Variants in TMEM178B observed in about 807,000 individuals in gnomAD.
The protein encoded by TMEM178B is transmembrane protein 178B.
In TMEM178B, 5 loss-of-function variants were observed where a neutral mutation model predicts 31.0. The observed-to-expected ratio is 0.16, with a 90% confidence interval of 0.08 to 0.34. The LOEUF is 0.34. Ranked by LOEUF, TMEM178B falls within the 10% of genes least tolerant of loss-of-function variation. The pLI is 1.00. For missense variants in TMEM178B, 275 were observed against 400.3 expected, an observed-to-expected ratio of 0.69 and a Z score of 2.67; for synonymous variants, 164 against 164.0, an observed-to-expected ratio of 1.00 and a Z score of 0.00.
intron 2 of TMEM178B, among the ~76,000 whole-genome samples, chr7:141,369,316 C>CGTGTGTGTGT (rs55960871): frequency 4.3e-5 from 6 of 138,446 alleles, no homozygotes; most frequent in South Asian, 2.5e-4. Flanking sequence ...TCCGCGCCGA[C>CGTGTGTGTGT]GTGTGTGTGT....
At chr7:141,499,464 CAAAA>C in the TMEM178B span, among the ~76,000 whole-genome samples, 1 of 50,714 alleles carries the variant, frequency 2.0e-5, no homozygotes, top group African/African-American at 5.5e-5. Context: ...CACATCTCTA[CAAAA>C]AAAAAAAAAA....
intron 2 of TMEM178B, among the ~76,000 whole-genome samples, chr7:141,345,678 C>T (rs1454814221): frequency 1.9e-4 from 29 of 152,154 alleles, no homozygotes; most frequent in African/African-American, 7.2e-5. Flanking sequence ...CATGTGAAAA[C>T]GAACACTTAT....
At chr7:141,432,655 C>G (rs576792618) in intron 2 of TMEM178B, among the ~76,000 whole-genome samples, 17 of 152,188 alleles carry the variant, frequency 1.1e-4, no homozygotes, top group Middle Eastern at 3.4e-3. Flanking sequence ...GTTTTTGTTT[C>G]ACAGAGGCAA....
chr7:141,368,586 T>C (rs1484504960), intron 2 of TMEM178B, among the ~76,000 whole-genome samples: 1 of 152,242 alleles, frequency 6.6e-6, no homozygotes, highest in Non-Finnish European at 1.5e-5. Context: ...AATACAATTC[T>C]ACTACAGGGG....
the TMEM178B span, among the ~76,000 whole-genome samples, chr7:141,499,464 C>CAAAAAAAAAAA: frequency 1.4e-4 from 7 of 50,702 alleles, 1 homozygote; most frequent in African/African-American, 3.3e-4. Context: ...CACATCTCTA[C>CAAAAAAAAAAA]AAAAAAAAAA....
intron 1 of TMEM178B, among the ~76,000 whole-genome samples, chr7:141,142,921 GGT>G (rs1795797897): frequency 6.6e-6 from 1 of 152,202 alleles, no homozygotes. Context: ...CATTCTGAGT[GGT>G]GTGAGATAGC....
In TMEM178B at chr7:141,318,546, G is replaced by A. The variant is rs1451960111; in HGVS notation, c.496+105842G>A. Among the ~76,000 whole-genome samples, 1 of 152,168 alleles carries A rather than the reference G, an allele frequency of 6.6e-6. No individual in the cohort carries two copies. The highest frequency in any genetic ancestry group is 1.5e-5 in the Non-Finnish European group (1 of 68,028). On this transcript the variant is annotated intron_variant, in intron 2 of 3. Transcript: ENST00000565468. This position sits in a 1 kb window ranked among gnomAD's most constrained non-coding sequence, Gnocchi z 4.1. ...GTAAATACCATTTGTCACTCAATGA[G>A]AAATAAAGATGTATTGGAGACTAAA...
intron 1 of TMEM178B, among the ~76,000 whole-genome samples, chr7:141,089,909 A>C (rs1342176549): frequency 6.6e-6 from 1 of 152,086 alleles, no homozygotes; most frequent in African/African-American, 2.4e-5. Context: ...ACCTAATGTA[A>C]ATGACGAGTT....
At chr7:141,153,814 A>G (rs1011757286) in intron 1 of TMEM178B, among the ~76,000 whole-genome samples, 10 of 152,226 alleles carry the variant, frequency 6.6e-5, no homozygotes, top group Non-Finnish European at 1.2e-4. Flanking sequence ...ATTTTGTCCT[A>G]TGTTACAGAT....
At chr7:141,231,871 C>T (rs926741297) in intron 2 of TMEM178B, among the ~76,000 whole-genome samples, 9 of 152,098 alleles carry the variant, frequency 5.9e-5, no homozygotes, top group Admixed American at 1.3e-4. Flanking sequence ...AAACATGTGC[C>T]GTGGTGGTTT....
chr7:141,223,200 A>T (rs1205732553), intron 2 of TMEM178B, among the ~76,000 whole-genome samples: 1 of 152,156 alleles, frequency 6.6e-6, no homozygotes, highest in Non-Finnish European at 1.5e-5. Context: ...ACATAGAGAG[A>T]AAGGAGGGCC....
intron 3 of TMEM178B, among the ~76,000 whole-genome samples, chr7:141,457,250 G>A (rs1430432002): frequency 6.6e-6 from 1 of 152,158 alleles, no homozygotes; most frequent in Non-Finnish European, 1.5e-5. Context: ...AAAATCAAAT[G>A]TTTGCACTGT....
intron 1 of TMEM178B, among the ~76,000 whole-genome samples, chr7:141,207,188 A>T (rs147251096): frequency 6.6e-6 from 1 of 152,194 alleles, no homozygotes; most frequent in Non-Finnish European, 1.5e-5. Flanking sequence ...GCTTTCCCTT[A>T]TCCTTCATCT....
intron 1 of TMEM178B, among the ~76,000 whole-genome samples, chr7:141,150,224 C>T (rs542405964): frequency 6.6e-6 from 1 of 152,196 alleles, no homozygotes; most frequent in East Asian, 1.9e-4. Context: ...TGAAGTCACC[C>T]AGGGAGAGGA....
intron 1 of TMEM178B, among the ~76,000 whole-genome samples, chr7:141,080,464 A>G (rs1280632110): frequency 6.6e-6 from 1 of 152,164 alleles, no homozygotes; most frequent in Admixed American, 6.5e-5. Flanking sequence ...TACAGAAAAT[A>G]CAAAAATTAG....
intron 1 of TMEM178B, among the ~76,000 whole-genome samples, chr7:141,129,139 G>A (rs184062717): frequency 3.9e-5 from 6 of 152,296 alleles, no homozygotes; most frequent in South Asian, 2.1e-4. Flanking sequence ...TTGAGGGTAC[G>A]GATTGTGTTG....
chr7:141,238,656 C>G (rs1038265713), intron 2 of TMEM178B, among the ~76,000 whole-genome samples: 8 of 152,210 alleles, frequency 5.3e-5, no homozygotes, highest in Non-Finnish European at 1.0e-4. Flanking sequence ...AGTGAGTGAA[C>G]TGAGGCAGGT....
In TMEM178B at chr7:141,318,885, T is replaced by C. The variant is rs539218021; in HGVS notation, c.496+106181T>C. On this transcript the variant is annotated intron_variant, in intron 2 of 3. Transcript: ENST00000565468. The surrounding 1 kb of genome is among the most constrained non-coding windows in gnomAD (Gnocchi z 4.1). ...AAAGAGATCTTTTTTTAACCATATG[T>C]GCCAGAAATGCTTACCTTGGATCCA... Among the ~76,000 whole-genome samples the C allele has an allele frequency of 6.6e-6, 1 of 152,320 alleles. No homozygotes were observed. The highest frequency in any genetic ancestry group is 6.5e-5 in the Admixed American group (1 of 15,304).
At position 141,125,774 on chromosome 7, in the gene TMEM178B, T is replaced by A. The variant is rs117728619; in HGVS notation, c.382+51082T>A. Among the ~76,000 whole-genome samples, 157 of 152,320 alleles carry A rather than the reference T, an allele frequency of 1.0e-3. 2 individuals carry two copies. In the East Asian group the frequency reaches 0.024, roughly 23 times the overall value. ...CTACCGGAAAATGAAGTTGTAGTTT[T>A]AATTGCAGTTGGCATTTGCAACCCT... On this transcript the variant is annotated intron_variant, in intron 1 of 3. Transcript: ENST00000565468.
Sources: gnomAD v4.1 joint callset for allele counts (sites outside exome capture counted in the v4.1 genomes callset) on GRCh38, gnomAD v4.1.1 for gene constraint, Gnocchi (gnomAD v3.1) non-coding constraint, MANE v1.5 for transcripts, NCBI Gene and HGNC (gene_info 2026-07-23, HGNC 2026-07-21) for gene names.